RABGAP1: variants seen among roughly 807,000 people sequenced by gnomAD.
RABGAP1 encodes rab GTPase-activating protein 1.
In RABGAP1, 23 loss-of-function variants were observed where a neutral mutation model predicts 137.6. That is an observed-to-expected ratio of 0.17 (90% CI 0.12 to 0.24). RABGAP1 has a LOEUF of 0.24. Ranked by LOEUF, RABGAP1 falls within the 10% of genes least tolerant of loss-of-function variation. The pLI is 1.00. For missense variants in RABGAP1, 906 were observed against 1,275.8 expected (o/e 0.71, Z 4.42); for synonymous variants, 451 against 450.7 (o/e 1.00, Z -0.01).
chr9:123,099,017 A>T (rs1482145853), intron 23 of RABGAP1, among the ~76,000 whole-genome samples: 1 of 152,038 alleles, frequency 6.6e-6, no homozygotes, highest in Non-Finnish European at 1.5e-5. Flanking sequence ...TAAAAAGACC[A>T]TGTTTGTAGA....
intron 13 of RABGAP1, among the ~76,000 whole-genome samples, chr9:123,050,191 G>A (rs2033393549): frequency 6.6e-6 from 1 of 152,230 alleles, no homozygotes. Flanking sequence ...TCTGTGTGAT[G>A]TGTTGGAGCT....
intron 10 of RABGAP1, among the ~76,000 whole-genome samples, chr9:123,004,948 C>T (rs1268478539): frequency 4.0e-5 from 6 of 148,844 alleles, no homozygotes; most frequent in Non-Finnish European, 5.9e-5. Context: ...CCCAGCTACT[C>T]GGGAGGCCGA....
At chr9:122,960,080 A>T (rs1193717710) in intron 2 of RABGAP1, among the ~76,000 whole-genome samples, 2 of 152,172 alleles carry the variant, frequency 1.3e-5, no homozygotes, top group Non-Finnish European at 2.9e-5. Flanking sequence ...AAAATAGTGG[A>T]GGTTGTGGTG....
intron 25 of RABGAP1, 33 bp from the exon 26 acceptor site, chr9:123,103,058 C>T: frequency 1.2e-6 from 2 of 1,606,374 alleles, no homozygotes; most frequent in Non-Finnish European, 1.7e-6. Context: ...GACACCAAGC[C>T]CAGCATCCTC....
chr9:122,950,654 T>C (rs950796129), intron 1 of RABGAP1, among the ~76,000 whole-genome samples: 13 of 152,104 alleles, frequency 8.5e-5, no homozygotes, highest in Non-Finnish European at 1.6e-4. Flanking sequence ...AGGTAAGGAG[T>C]GTCTTTTATT....
chr9:123,086,261 T>C (rs992827450), intron 19 of RABGAP1, among the ~76,000 whole-genome samples: 2 of 152,220 alleles, frequency 1.3e-5, no homozygotes, highest in Non-Finnish European at 1.5e-5. Context: ...CATGCTTGCA[T>C]TGCATGTCCA....
intron 13 of RABGAP1, among the ~76,000 whole-genome samples, chr9:123,025,427 A>G (rs1177756454): frequency 1.3e-5 from 2 of 151,974 alleles, no homozygotes; most frequent in Admixed American, 6.6e-5. Context: ...CCATCACCCT[A>G]TAAGGTTATG....
intron 6 of RABGAP1, among the ~76,000 whole-genome samples, chr9:122,993,542 G>A (rs1196412520): frequency 6.6e-6 from 1 of 152,098 alleles, no homozygotes; most frequent in African/African-American, 2.4e-5. Flanking sequence ...AAATTGCTGG[G>A]ATTACAGGCG....
At chr9:122,993,491 C>T (rs779868278) in intron 6 of RABGAP1, among the ~76,000 whole-genome samples, 7 of 152,170 alleles carry the variant, frequency 4.6e-5, no homozygotes, top group Middle Eastern at 3.4e-3. Context: ...AGGCTGGTCT[C>T]GAACTCCTGA....
chr9:122,950,030 G>T (rs1475245565), intron 1 of RABGAP1, among the ~76,000 whole-genome samples: 1 of 152,196 alleles, frequency 6.6e-6, no homozygotes, highest in Non-Finnish European at 1.5e-5. Context: ...TCCAGATTTT[G>T]AAGAACTAAA....
At chr9:122,956,075 A>G (rs988034339) in intron 1 of RABGAP1, among the ~76,000 whole-genome samples, 1 of 152,186 alleles carries the variant, frequency 6.6e-6, no homozygotes, top group Admixed American at 6.5e-5. Flanking sequence ...AGTGACACAT[A>G]TTTATACTTT....
the RABGAP1 span, among the ~76,000 whole-genome samples, chr9:122,932,508 T>G: frequency 6.6e-6 from 1 of 152,158 alleles, no homozygotes; most frequent in African/African-American, 2.4e-5. Context: ...ATTTTCTAAT[T>G]TCCCTTTTGA....
chr9:123,034,021 C>CAGT (rs1760893082), intron 13 of RABGAP1: 1 of 157,338 alleles, frequency 6.4e-6, no homozygotes, highest in African/African-American at 2.4e-5. Flanking sequence ...CAGTACAGAT[C>CAGT]AGTTGTGTGG....
At chr9:122,982,048 C>CAAAAAAAAAAAAAAAAAAAAAA (rs761154597) in intron 2 of RABGAP1, among the ~76,000 whole-genome samples, 2 of 73,624 alleles carry the variant, frequency 2.7e-5, no homozygotes, top group Non-Finnish European at 5.7e-5. Flanking sequence ...GACTCTGTCT[C>CAAAAAAAAAAAAAAAAAAAAAA]AAAAAAAAAA....
intron 2 of RABGAP1, among the ~76,000 whole-genome samples, chr9:122,974,865 G>T (rs1835682818): frequency 6.6e-6 from 1 of 152,098 alleles, no homozygotes; most frequent in Non-Finnish European, 1.5e-5. Flanking sequence ...AACAGCCATG[G>T]TTTATAAAGT....
intron 8 of RABGAP1, 126 bp from the exon 9 acceptor site, chr9:122,997,133 C>T: frequency 1.5e-6 from 1 of 668,806 alleles, no homozygotes; most frequent in East Asian, 2.7e-5. Flanking sequence ...TAATCATTCA[C>T]ATACACTTAT....
rs962776104 is a variant in RABGAP1 at position 122,941,067 on chromosome 9, G to T, written c.-76G>T. On this transcript the variant is annotated 5_prime_UTR_variant, in exon 1 of 26. Transcript: ENST00000373647. ...GAGCCTCCGGGACGGCGAGCGGCGG[G>T]CGGCGGAGGAGGAGACGGCAGGTCG... 5 of 153,226 alleles carry T rather than the reference G, an allele frequency of 3.3e-5. No homozygotes were observed. Among genetic ancestry groups the T allele is most frequent in the Non-Finnish European group, 7.3e-5 (5 of 68,932 alleles). 9.5% of individuals were successfully genotyped at this position (153,226 alleles called of 1,614,324 possible). A position where few individuals can be genotyped will look rare whatever the true frequency, so the allele number is the denominator to read the frequency against.
chr9:122,972,978 T>TAAA (rs10686868), intron 2 of RABGAP1, among the ~76,000 whole-genome samples: 91,149 of 144,970 alleles, frequency 0.63, 35,390 homozygotes, highest in South Asian at 0.87. Flanking sequence ...CTTTATATAT[T>TAAA]AAAAAAAAAA....
intron 13 of RABGAP1, among the ~76,000 whole-genome samples, chr9:123,064,507 A>G (rs993179613): frequency 6.6e-6 from 1 of 152,194 alleles, no homozygotes; most frequent in African/African-American, 2.4e-5. Flanking sequence ...CAGAGGTATC[A>G]TGTTCTTTGG....
Sources: gnomAD v4.1 joint callset for allele counts (sites outside exome capture counted in the v4.1 genomes callset) on GRCh38, gnomAD v4.1.1 for gene constraint, MANE v1.5 for transcripts, NCBI Gene and HGNC (gene_info 2026-07-23, HGNC 2026-07-21) for gene names.